CACNA2D3: variants seen among roughly 807,000 people sequenced by gnomAD.
CACNA2D3 encodes the protein voltage-dependent calcium channel subunit alpha-2/delta-3.
In CACNA2D3, 60 loss-of-function variants were observed where a neutral mutation model predicts 160.6. That is an observed-to-expected ratio of 0.37 (90% CI 0.30 to 0.46). The LOEUF is 0.46. Among genes scored for constraint, CACNA2D3 ranks in the 20% least tolerant of loss-of-function variants. The pLI is 1.00. For missense variants in CACNA2D3, 1,205 were observed against 1,365.0 expected (o/e 0.88, Z 1.85); for synonymous variants, 558 against 492.9 (o/e 1.13, Z -1.75).
chr3:54,369,406 A>C (rs568237308), intron 3 of CACNA2D3, among the ~76,000 whole-genome samples: 1 of 152,280 alleles, frequency 6.6e-6, no homozygotes, highest in South Asian at 2.1e-4. Context: ...ACACTGCTTT[A>C]AGTGACTGCC....
intron 16 of CACNA2D3, among the ~76,000 whole-genome samples, chr3:54,844,941 T>C (rs180939156): frequency 2.1e-4 from 32 of 151,732 alleles, no homozygotes; most frequent in East Asian, 1.9e-4. Flanking sequence ...ACTCTCAAGA[T>C]TTTTTTTTGA....
At chr3:54,213,254 T>G (rs1056313824) in intron 2 of CACNA2D3, among the ~76,000 whole-genome samples, 5 of 152,222 alleles carry the variant, frequency 3.3e-5, no homozygotes, top group Admixed American at 1.3e-4. Flanking sequence ...TTAACCTTTT[T>G]GGAAGGCTGT....
intron 27 of CACNA2D3, 126 bp downstream of exon 27, chr3:54,899,994 T>A (rs948477412): frequency 1.8e-5 from 12 of 668,178 alleles, no homozygotes; most frequent in East Asian, 1.4e-4. Flanking sequence ...CAATTTTAAA[T>A]TACTTCCTTC....
In CACNA2D3 at chr3:54,736,120, C is replaced by CACAT. The variant is rs1553814558; in HGVS notation, c.1168-16478_1168-16477insCATA. Among the ~76,000 whole-genome samples, 8 of 45,996 alleles carry CACAT rather than the reference C, an allele frequency of 1.7e-4. 2 individuals are homozygous for CACAT. Among genetic ancestry groups the CACAT allele is most frequent in the South Asian group, 6.2e-4 (1 of 1,610 alleles). 30.2% of individuals were successfully genotyped at this position (45,996 alleles called of 152,430 possible). A position where few individuals can be genotyped will look rare whatever the true frequency, so the allele number is the denominator to read the frequency against. On this transcript the variant is annotated intron_variant, in intron 11 of 37. Coordinates refer to ENST00000474759, the MANE Select transcript of CACNA2D3 (RefSeq NM_018398.3). ...ATATACATATATATGTATATATATA[C>CACAT]ATATATATATGTATATATATACACA...
At chr3:54,792,527 C>G (rs1039446624) in intron 13 of CACNA2D3, among the ~76,000 whole-genome samples, 1 of 152,140 alleles carries the variant, frequency 6.6e-6, no homozygotes, top group Non-Finnish European at 1.5e-5. Flanking sequence ...TGGCCAAATG[C>G]TGTCAGGAAT....
intron 11 of CACNA2D3, among the ~76,000 whole-genome samples, chr3:54,661,843 T>TGTGTGTGTGTGG: frequency 5.6e-5 from 1 of 17,918 alleles, no homozygotes; most frequent in East Asian, 4.0e-4. Flanking sequence ...CAGGGATGTG[T>TGTGTGTGTGTGG]GTATGTGTGT....
intron 3 of CACNA2D3, among the ~76,000 whole-genome samples, chr3:54,351,962 T>G (rs1698572757): frequency 6.6e-6 from 1 of 152,242 alleles, no homozygotes; most frequent in South Asian, 2.1e-4. Flanking sequence ...TTTGCAGCAC[T>G]TCTCTCAGAG....
At chr3:54,687,963 T>C (rs1302627203) in intron 11 of CACNA2D3, among the ~76,000 whole-genome samples, 1 of 152,240 alleles carries the variant, frequency 6.6e-6, no homozygotes, top group African/African-American at 2.4e-5. Flanking sequence ...TTTGTTTTGT[T>C]TTTAAACTCA....
chr3:54,731,787 G>T (rs892126117), intron 11 of CACNA2D3, among the ~76,000 whole-genome samples: 1 of 151,958 alleles, frequency 6.6e-6, no homozygotes. Context: ...TTTAAATGAG[G>T]CATGACTGTT....
chr3:54,897,103 A>G (rs376535962), intron 26 of CACNA2D3: 15 of 501,658 alleles, frequency 3.0e-5, no homozygotes, highest in East Asian at 1.6e-4. Flanking sequence ...TTCAGGAAGC[A>G]GGGCTGATGT....
chr3:54,948,564 T>C (rs1701674485), intron 27 of CACNA2D3, among the ~76,000 whole-genome samples: 1 of 152,166 alleles, frequency 6.6e-6, no homozygotes, highest in African/African-American at 2.4e-5. Context: ...TCGGTACAAC[T>C]GGATGATGGT....
At chr3:54,488,952 C>G (rs1304946611) in intron 4 of CACNA2D3, among the ~76,000 whole-genome samples, 4 of 152,118 alleles carry the variant, frequency 2.6e-5, no homozygotes, top group Admixed American at 6.5e-5. Flanking sequence ...AAGGAGGAAC[C>G]AGGATTGTGT....
intron 11 of CACNA2D3, among the ~76,000 whole-genome samples, chr3:54,646,153 TCCCTCCC>T (rs1699637263): frequency 1.2e-4 from 1 of 8,600 alleles, no homozygotes; most frequent in African/African-American, 2.6e-4. Context: ...CTTCCTTCCC[TCCCTCCC>T]TCCCTCCCTC....
intron 5 of CACNA2D3, among the ~76,000 whole-genome samples, chr3:54,548,271 G>A (rs770111613): frequency 1.3e-5 from 2 of 152,220 alleles, no homozygotes; most frequent in Non-Finnish European, 2.9e-5. Context: ...CTAAATAAAT[G>A]TAGCCACATT....
chr3:54,538,621 C>T (rs1701924416), intron 5 of CACNA2D3, among the ~76,000 whole-genome samples: 1 of 152,170 alleles, frequency 6.6e-6, no homozygotes, highest in Non-Finnish European at 1.5e-5. Flanking sequence ...GGGGCTACCT[C>T]AAGGGAAGGC....
At chr3:54,252,218 A>C (rs566563410) in intron 2 of CACNA2D3, among the ~76,000 whole-genome samples, 1 of 150,466 alleles carries the variant, frequency 6.6e-6, no homozygotes, top group East Asian at 2.0e-4. Context: ...TGGGCTAGTG[A>C]TTAGATTGTC....
chr3:54,275,733 T>C (rs1409771171), intron 2 of CACNA2D3, among the ~76,000 whole-genome samples: 2 of 152,170 alleles, frequency 1.3e-5, no homozygotes, highest in Non-Finnish European at 2.9e-5. Context: ...TTCTCGTGCC[T>C]CAGCCTCCCA....
At chr3:54,546,573 G>A (rs939499306) in intron 5 of CACNA2D3, among the ~76,000 whole-genome samples, 1 of 152,160 alleles carries the variant, frequency 6.6e-6, no homozygotes, top group Admixed American at 6.5e-5. Flanking sequence ...TCATGATCCT[G>A]CATGTGAAGG....
chr3:54,165,134 T>TTC (rs1553741532), intron 2 of CACNA2D3, among the ~76,000 whole-genome samples: 5 of 145,712 alleles, frequency 3.4e-5, no homozygotes, highest in Admixed American at 1.3e-4. Flanking sequence ...TTTTTTTTTT[T>TTC]GTCAAACAAG....
Sources: gnomAD v4.1 joint callset for allele counts (sites outside exome capture counted in the v4.1 genomes callset) on GRCh38, gnomAD v4.1.1 for gene constraint, MANE v1.5 for transcripts, NCBI Gene and HGNC (gene_info 2026-07-23, HGNC 2026-07-21) for gene names.